ROBO1: variants seen among roughly 807,000 people sequenced by gnomAD.
The protein encoded by ROBO1 is roundabout guidance receptor 1, also known as roundabout homolog 1.
Under a neutral mutation model 195.9 loss-of-function variants are expected in ROBO1, and 149 were observed. That is an observed-to-expected ratio of 0.76 (90% CI 0.67 to 0.87). ROBO1 has a LOEUF of 0.87. Ranked by LOEUF, ROBO1 falls within the 40% of genes least tolerant of loss-of-function variation. The pLI, the probability that ROBO1 is intolerant of heterozygous loss-of-function variation, is 0.00. For synonymous variants in ROBO1, 816 were observed against 733.2 expected (o/e 1.11, Z -1.82); for missense variants, 1,933 against 2,068.3 (o/e 0.93, Z 1.27).
intron 4 of ROBO1, among the ~76,000 whole-genome samples, chr3:78,896,001 C>A (rs921331915): frequency 5.3e-5 from 8 of 152,150 alleles, no homozygotes; most frequent in Non-Finnish European, 1.2e-4. Context: ...TTATTCATCA[C>A]CATTGACATA....
intron 2 of ROBO1, among the ~76,000 whole-genome samples, chr3:79,527,669 T>C (rs1251083588): frequency 2.6e-5 from 4 of 151,338 alleles, no homozygotes; most frequent in African/African-American, 7.3e-5. Flanking sequence ...TCAGTGCAGA[T>C]GAATTGAGTG....
chr3:79,191,230 T>G (rs935526466), intron 2 of ROBO1, among the ~76,000 whole-genome samples: 1 of 151,572 alleles, frequency 6.6e-6, no homozygotes, highest in Non-Finnish European at 1.5e-5. Flanking sequence ...AGTTTTACTA[T>G]TATTATGATA....
chr3:79,287,692 C>A (rs757672155), intron 2 of ROBO1, among the ~76,000 whole-genome samples: 20 of 152,164 alleles, frequency 1.3e-4, no homozygotes, highest in Non-Finnish European at 2.8e-4. Flanking sequence ...TATGTCCTTA[C>A]TTGCTTCAGT....
intron 2 of ROBO1, among the ~76,000 whole-genome samples, chr3:79,523,992 A>C (rs2107588796): frequency 6.6e-6 from 1 of 152,272 alleles, no homozygotes; most frequent in Non-Finnish European, 1.5e-5. Context: ...ATTTATCATT[A>C]TGAGAAAGTA....
chr3:79,474,944 G>T (rs1938472158), intron 2 of ROBO1, among the ~76,000 whole-genome samples: 1 of 151,852 alleles, frequency 6.6e-6, no homozygotes, highest in Non-Finnish European at 1.5e-5. Context: ...AGGTGATTTT[G>T]GAAAAGGTAA....
chr3:78,995,680 CA>C (rs59593784), intron 3 of ROBO1, among the ~76,000 whole-genome samples: 144,906 of 151,152 alleles, frequency 0.96, 69,616 homozygotes, highest in East Asian at 1. Context: ...ACCGGAGGAT[CA>C]CATGAGCCCA....
chr3:78,946,896 T>C (rs1293486867), intron 3 of ROBO1, among the ~76,000 whole-genome samples: 1 of 152,116 alleles, frequency 6.6e-6, no homozygotes, highest in Non-Finnish European at 1.5e-5. Flanking sequence ...AAACAGACTT[T>C]AAACCAACAA....
intron 2 of ROBO1, among the ~76,000 whole-genome samples, chr3:79,166,236 T>C (rs62259699): frequency 0.017 from 2,621 of 152,322 alleles, 30 homozygotes; most frequent in Non-Finnish European, 0.029. Context: ...CTTAATCTAA[T>C]GCCTATAGCC....
intron 2 of ROBO1, among the ~76,000 whole-genome samples, chr3:79,281,085 GA>G (rs2031474102): frequency 1.3e-5 from 2 of 152,154 alleles, no homozygotes; most frequent in Admixed American, 6.5e-5. Flanking sequence ...GCAATTGGTA[GA>G]TATTGAGTTT....
intron 2 of ROBO1, among the ~76,000 whole-genome samples, chr3:79,298,257 A>G (rs1205712735): frequency 1.3e-5 from 2 of 152,152 alleles, no homozygotes; most frequent in Non-Finnish European, 2.9e-5. Flanking sequence ...TTGATTGGCA[A>G]CATACGAACA....
At chr3:79,008,347 G>A (rs748053463) in intron 3 of ROBO1, among the ~76,000 whole-genome samples, 9 of 152,028 alleles carry the variant, frequency 5.9e-5, no homozygotes, top group African/African-American at 9.7e-5. Context: ...AAAGTTGGCA[G>A]CTGCTTAATA....
At position 79,361,367 on chromosome 3, in the gene ROBO1, T is replaced by C. The variant is rs540553346; in HGVS notation, c.88+228457A>G. On this transcript the variant is annotated intron_variant, in intron 2 of 30. Transcript: ENST00000464233. ...CAATACTGGAAAATCATCTTTACTA[T>C]GAGATTTGTCATAGGTAGCAAAAGG... is the stretch of plus-strand genomic sequence containing the variant. Among the ~76,000 whole-genome samples, 13 of 152,166 alleles carry C rather than the reference T, an allele frequency of 8.5e-5. No homozygotes were observed. In the South Asian group the frequency reaches 2.7e-3, roughly 32 times the overall value.
chr3:78,839,135 CAA>C (rs1470355948), intron 4 of ROBO1, among the ~76,000 whole-genome samples: 1 of 151,986 alleles, frequency 6.6e-6, no homozygotes, highest in Admixed American at 6.6e-5. Context: ...CAGATGATAC[CAA>C]AGAGTAAAAA....
intron 2 of ROBO1, among the ~76,000 whole-genome samples, chr3:79,394,000 A>G (rs1041410140): frequency 3.9e-5 from 6 of 152,178 alleles, no homozygotes; most frequent in Non-Finnish European, 7.4e-5. Context: ...AAGAAACGAC[A>G]TGACAATGAA....
At chr3:79,145,119 GCTATAA>G (rs1352244378) in intron 2 of ROBO1, among the ~76,000 whole-genome samples, 1 of 151,828 alleles carries the variant, frequency 6.6e-6, no homozygotes, top group East Asian at 1.9e-4. Flanking sequence ...TCATCATGAA[GCTATAA>G]CTATCAGTTG....
At chr3:79,416,465 CA>C (rs1258576404) in intron 2 of ROBO1, among the ~76,000 whole-genome samples, 3 of 147,300 alleles carry the variant, frequency 2.0e-5, no homozygotes, top group Non-Finnish European at 4.5e-5. Flanking sequence ...ACAACAACAA[CA>C]AAAAATTAGC....
intron 2 of ROBO1, among the ~76,000 whole-genome samples, chr3:79,496,918 C>T (rs575999058): frequency 1.3e-4 from 20 of 152,314 alleles, no homozygotes; most frequent in African/African-American, 4.3e-4. Flanking sequence ...GGTTGTTTAT[C>T]TCTTCCCAAC....
Position 78,897,625 on chromosome 3 carries a change from C to T in ROBO1, c.499+40976G>A, listed in dbSNP as rs552487636. Among the ~76,000 whole-genome samples the T allele has an allele frequency of 3.5e-4, 4 of 11,360 alleles. No homozygotes were observed. In the East Asian group the frequency reaches 0.014, roughly 40 times the overall value. 7.5% of individuals were successfully genotyped at this position (11,360 alleles called of 152,430 possible). ...AAACACATTTCTAAATGGCTATCAG[C>T]CCTTTTTATTTATTATAGTGCACTA... On this transcript the variant is annotated intron_variant, in intron 4 of 30. Transcript: ENST00000464233.
At chr3:79,507,339 C>T (rs550744119) in intron 2 of ROBO1, among the ~76,000 whole-genome samples, 3 of 152,254 alleles carry the variant, frequency 2.0e-5, no homozygotes, top group East Asian at 1.9e-4. Flanking sequence ...CTATCGGGAC[C>T]ATTAGAAATA....
Sources: allele counts gnomAD v4.1 joint callset (sites outside exome capture counted in the v4.1 genomes callset), GRCh38; gene constraint gnomAD v4.1.1; transcripts MANE v1.5; gene names NCBI Gene and HGNC (gene_info 2026-07-23, HGNC 2026-07-21).